ZFP64: variants seen among roughly 807,000 people sequenced by gnomAD.
ZFP64 encodes zinc finger protein 64.
ZFP64 carries 14 observed loss-of-function variants against 51.6 expected under a neutral mutation model. The observed-to-expected ratio is 0.27, with a 90% confidence interval of 0.18 to 0.42. The LOEUF (loss-of-function observed/expected upper bound fraction) is 0.42, where lower values mean the gene tolerates loss of function less well. Ranked by LOEUF, ZFP64 falls within the 10% of genes least tolerant of loss-of-function variation. The pLI is 1.00. For missense variants in ZFP64, 754 were observed against 906.8 expected (o/e 0.83, Z 2.16); for synonymous variants, 375 against 361.4 (o/e 1.04, Z -0.43).
chr20:52,122,215 CTTA>C (rs1979221190), intron 5 of ZFP64, among the ~76,000 whole-genome samples: 9 of 152,130 alleles, frequency 5.9e-5, no homozygotes, highest in Admixed American at 5.9e-4. Context: ...ATTTTCAAGT[CTTA>C]TTATTTAAGA....
chr20:52,185,818 T>A (rs1348415919), intron 2 of ZFP64, among the ~76,000 whole-genome samples: 1 of 151,976 alleles, frequency 6.6e-6, no homozygotes, highest in African/African-American at 2.4e-5. Context: ...TGACCTCAGG[T>A]GATCCACCCG....
intron 4 of ZFP64, among the ~76,000 whole-genome samples, chr20:52,161,958 T>G (rs1981845497): frequency 6.6e-6 from 1 of 152,238 alleles, no homozygotes; most frequent in South Asian, 2.1e-4. Flanking sequence ...ACTGTCGTCA[T>G]AAATAAATAT....
intron 4 of ZFP64, among the ~76,000 whole-genome samples, chr20:52,161,123 T>A (rs1981760568): frequency 1.3e-5 from 2 of 152,336 alleles, no homozygotes; most frequent in South Asian, 2.1e-4. Context: ...GCTGCCCACC[T>A]GTCCTAGCCT....
chr20:52,135,180 A>T (rs1325270371), intron 5 of ZFP64, among the ~76,000 whole-genome samples: 1 of 152,062 alleles, frequency 6.6e-6, no homozygotes, highest in East Asian at 1.9e-4. Context: ...TCACATTTTT[A>T]ACTGGTTAAC....
intron 5 of ZFP64, chr20:52,104,977 G>T: frequency 1.2e-6 from 1 of 853,778 alleles, no homozygotes; most frequent in Non-Finnish European, 1.8e-6. Flanking sequence ...AAAGGCGGGG[G>T]GCGGGGACGC....
At chr20:52,134,061 T>A (rs1223828090) in intron 5 of ZFP64, among the ~76,000 whole-genome samples, 11 of 150,458 alleles carry the variant, frequency 7.3e-5, no homozygotes, top group Non-Finnish European at 1.6e-4. Flanking sequence ...AAGGAGGACT[T>A]TTCCCTATTG....
In ZFP64 at chr20:52,131,795, C is replaced by A. The variant is rs139447701; in HGVS notation, c.763+28328G>T. The stretch of plus-strand genomic sequence containing the variant: ...GCTGGAGACTTCAACACCCCACTTT[C>A]AGCATTTGCCAGATCTTCCCGACAG... On this transcript the variant is annotated intron_variant, in intron 5 of 8. Transcript: ENST00000361387. Among the ~76,000 whole-genome samples the A allele has an allele frequency of 9.9e-3, 1,501 of 152,246 alleles. 46 individuals are homozygous for A. The highest frequency in any genetic ancestry group is 0.067 in the Admixed American group (1,029 of 15,282).
At position 52,153,975 on chromosome 20, in the gene ZFP64, TC is replaced by T. The variant is rs1429651014; in HGVS notation, c.764-548del. Among the ~76,000 whole-genome samples the T allele has an allele frequency of 1.3e-5, 2 of 152,234 alleles. No homozygotes were observed. The highest frequency in any genetic ancestry group is 2.9e-5 in the Non-Finnish European group (2 of 68,040). On this transcript the variant is annotated intron_variant, in intron 5 of 5. Transcript: ENST00000216923. This position sits in a 1 kb window ranked among gnomAD's most constrained non-coding sequence, Gnocchi z 5.1. Reference sequence around the variant, plus strand: ...GTGTTTCTTGCACAAAATTTATTTATCCCATATTGCCAGCTGCGTTCTTTAC... The same window carrying T: ...GTGTTTCTTGCACAAAATTTATTTATCCATATTGCCAGCTGCGTTCTTTAC...
At chr20:52,150,016 G>C (rs184896024), downstream of ZFP64, among the ~76,000 whole-genome samples, 4 of 152,092 alleles carry the variant, frequency 2.6e-5, no homozygotes, top group Admixed American at 1.3e-4. Flanking sequence ...AGACCATCCT[G>C]GCTACGGTGA....
Position 52,085,284 on chromosome 20 carries a change from G to A in ZFP64, c.1229-18C>T. The A allele has an allele frequency of 1.9e-6, 3 of 1,591,772 alleles. No individual in the cohort carries two copies. The highest frequency in any genetic ancestry group is 2.6e-6 in the Non-Finnish European group (3 of 1,167,546). ...GGTATCCCCTAGCAATGGAAGGTGT[G>A]TTTCCATTAGAACAGGCAGGCAAAA... On this transcript the variant is annotated intron_variant, in intron 8 of 8. Coordinates refer to the ZFP64 transcript ENST00000361387. The surrounding 1 kb of genome is among the most constrained non-coding windows in gnomAD (Gnocchi z 4.3).
At chr20:52,166,791 T>C (rs1210801100) in intron 2 of ZFP64, among the ~76,000 whole-genome samples, 1 of 152,162 alleles carries the variant, frequency 6.6e-6, no homozygotes, top group East Asian at 1.9e-4. Flanking sequence ...GTCCCTATAA[T>C]TTATGCCAGG....
At chr20:52,113,555 G>C (rs1430574314) in intron 5 of ZFP64, among the ~76,000 whole-genome samples, 1 of 144,806 alleles carries the variant, frequency 6.9e-6, no homozygotes, top group Non-Finnish European at 1.5e-5. Flanking sequence ...AGCCTCCCAA[G>C]TAGCTGAGAT....
rs913715787 is a variant in ZFP64, at chr20:52,152,422, G to A, written c.1770C>T (p.Ala590=). The change falls in exon 6 of 6, where the codon GCC becomes GCT. Residue 590 remains alanine (A), a synonymous_variant. Coordinates refer to ENST00000216923, the MANE Select transcript of ZFP64 (RefSeq NM_018197.3). ...ATLHQTLIPT[A]SGGPQEGSGN... is the part of the protein sequence containing the mutation. The stretch of plus-strand genomic sequence containing the variant: ...CAGAGCCTTCCTGGGGGCCACCTGA[G>A]GCCGTGGGGATGAGAGTCTGGTGCA... The A allele has an allele frequency of 4.3e-6, 7 of 1,614,096 alleles. No individual in the cohort carries two copies. Among genetic ancestry groups the A allele is most frequent in the African/African-American group, 2.7e-5 (2 of 74,938 alleles).
intron 5 of ZFP64, among the ~76,000 whole-genome samples, chr20:52,137,615 T>C (rs1360931393): frequency 6.6e-6 from 1 of 152,210 alleles, no homozygotes; most frequent in Middle Eastern, 3.2e-3. Context: ...ATGAATGCAG[T>C]AATTTTTGGT....
chr20:52,166,090 C>A, intron 2 of ZFP64, 65 bp from the exon 3 acceptor site: 1 of 1,496,526 alleles, frequency 6.7e-7, no homozygotes, highest in Non-Finnish European at 9.0e-7. Context: ...TGTCTGCCTA[C>A]TTTCCTTTGT....
At chr20:52,129,048 G>T (rs1568667812) in intron 5 of ZFP64, among the ~76,000 whole-genome samples, 1 of 151,270 alleles carries the variant, frequency 6.6e-6, no homozygotes, top group African/African-American at 2.4e-5. Context: ...CGAGTAGTTG[G>T]GATTACAGGC....
intron 5 of ZFP64, among the ~76,000 whole-genome samples, chr20:52,134,276 C>A (rs1378392260): frequency 2.0e-5 from 3 of 152,160 alleles, no homozygotes; most frequent in South Asian, 2.1e-4. Flanking sequence ...ATCCAGGCTG[C>A]CTCTCTGCTA....
chr20:52,097,541 G>A lies in ZFP64; in HGVS notation c.914-106C>T, dbSNP rs541856922. On this transcript the variant is annotated intron_variant, in intron 6 of 8. Transcript: ENST00000361387. ...TCCATCTCGGCTCACTGCAACCTCC[G>A]CCTCCCGGGTTCAAGAGATTACCCT... is the stretch of plus-strand genomic sequence containing the variant. 2.7e-4 allele frequency: 274 copies of A among 1,017,676 alleles called. 4 individuals are homozygous for A. The South Asian group carries it at 3.5e-3, about 13-fold the overall frequency. The allele number at this position is 1,017,676 out of a possible 1,614,324, so 63.0% of individuals were successfully genotyped here. A position where few individuals can be genotyped will look rare whatever the true frequency, so the allele number is the denominator to read the frequency against.
intron 2 of ZFP64, among the ~76,000 whole-genome samples, chr20:52,166,903 G>C (rs1323470044): frequency 6.6e-6 from 1 of 151,938 alleles, no homozygotes; most frequent in African/African-American, 2.4e-5. Context: ...AGGGATTTGG[G>C]GCAAAATTAG....
Sources: gnomAD v4.1 joint callset for allele counts (sites outside exome capture counted in the v4.1 genomes callset) on GRCh38, gnomAD v4.1.1 for gene constraint, Gnocchi (gnomAD v3.1) non-coding constraint, MANE v1.5 for transcripts, NCBI Gene and HGNC (gene_info 2026-07-23, HGNC 2026-07-21) for gene names.